The following GLIS3 variants were observed in gnomAD, a reference collection of about 807,000 sequenced individuals.
The protein encoded by GLIS3 is GLIS family zinc finger 3.
In GLIS3, 53 loss-of-function variants were observed where a neutral mutation model predicts 78.6. The ratio of observed to expected loss-of-function variants is 0.67; its 90% CI spans 0.54 to 0.85. The LOEUF is 0.85. GLIS3 is among the 40% of genes least tolerant of loss of function. GLIS3 has a pLI of 0.00. For missense variants in GLIS3, 1,703 were observed against 1,231.1 expected (o/e 1.38, Z -5.74); for synonymous variants, 684 against 509.9 (o/e 1.34, Z -4.60).
intron 2 of GLIS3, among the ~76,000 whole-genome samples, chr9:4,160,877 T>G (rs1378054840): frequency 6.6e-6 from 1 of 152,178 alleles, no homozygotes; most frequent in East Asian, 1.9e-4. Flanking sequence ...TCATTGTGTG[T>G]GCAACACCTC....
rs533298933 is a variant in GLIS3, at chr9:4,107,716, T to A, written c.1710+10052A>T. 2.6e-5 allele frequency among the ~76,000 whole-genome samples: 4 copies of A among 151,226 alleles called. No individual in the cohort carries two copies. In the East Asian group the frequency reaches 7.7e-4, roughly 29 times the overall value. On this transcript the variant is annotated intron_variant, in intron 4 of 10. Transcript: ENST00000381971. The stretch of plus-strand genomic sequence containing the variant: ...GAGACAATCCAGAGCAATGGAAAAA[T>A]TAATTTGTTTTCAGATCAGAAGAAC...
At chr9:3,937,473 T>C (rs1269133491) in intron 4 of GLIS3, among the ~76,000 whole-genome samples, 2 of 152,230 alleles carry the variant, frequency 1.3e-5, no homozygotes, top group Admixed American at 6.5e-5. Context: ...CATCTGGCTC[T>C]GTTAATAAAA....
intron 4 of GLIS3, among the ~76,000 whole-genome samples, chr9:4,104,397 C>A (rs1444374736): frequency 6.6e-6 from 1 of 152,102 alleles, no homozygotes; most frequent in East Asian, 1.9e-4. Context: ...AGAATCCAAC[C>A]AGCTATCCCA....
At chr9:3,927,275 T>C (rs1039328932) in intron 6 of GLIS3, among the ~76,000 whole-genome samples, 2 of 152,192 alleles carry the variant, frequency 1.3e-5, no homozygotes, top group Non-Finnish European at 2.9e-5. Flanking sequence ...GCAAACAATG[T>C]AGTAGAAGAG....
At chr9:4,410,255 G>A in the GLIS3 span, among the ~76,000 whole-genome samples, 1 of 151,910 alleles carries the variant, frequency 6.6e-6, no homozygotes, top group Non-Finnish European at 1.5e-5. Flanking sequence ...GGGATTACAG[G>A]CATGAGCCAC....
intron 7 of GLIS3, among the ~76,000 whole-genome samples, chr9:3,891,588 G>A (rs889721511): frequency 1.3e-5 from 2 of 152,082 alleles, no homozygotes; most frequent in African/African-American, 4.8e-5. Context: ...TGAAGTCTCA[G>A]CTACTCAGAA....
At chr9:4,411,655 G>C in the GLIS3 span, among the ~76,000 whole-genome samples, 2 of 152,104 alleles carry the variant, frequency 1.3e-5, no homozygotes, top group Admixed American at 6.6e-5. Flanking sequence ...TTATGGTGCT[G>C]TATGCTGTAT....
At chr9:4,350,366 A>C (rs904695667), upstream of GLIS3, among the ~76,000 whole-genome samples, 24 of 152,336 alleles carry the variant, frequency 1.6e-4, no homozygotes, top group African/African-American at 4.3e-4. Flanking sequence ...GGCCACATTT[A>C]CTGGATTTGA....
At chr9:4,232,261 G>T (rs1270890152) in intron 2 of GLIS3, among the ~76,000 whole-genome samples, 1 of 151,460 alleles carries the variant, frequency 6.6e-6, no homozygotes, top group Non-Finnish European at 1.5e-5. Flanking sequence ...CACCTCTGTA[G>T]TACCAGCTAT....
At chr9:4,140,743 CCTT>C (rs1192264343) in intron 2 of GLIS3, among the ~76,000 whole-genome samples, 9 of 151,792 alleles carry the variant, frequency 5.9e-5, no homozygotes, top group African/African-American at 2.2e-4. Context: ...ATTTTGTGCT[CCTT>C]CGTCTCAAGA....
intron 2 of GLIS3, among the ~76,000 whole-genome samples, chr9:4,342,287 C>G (rs75063538): frequency 0.025 from 3,777 of 152,254 alleles, 163 homozygotes; most frequent in African/African-American, 0.083. Flanking sequence ...AGGAAGGGAT[C>G]CAGGTTCAAT....
At chr9:3,843,905 G>C (rs1235779212) in intron 9 of GLIS3, among the ~76,000 whole-genome samples, 1 of 152,148 alleles carries the variant, frequency 6.6e-6, no homozygotes, top group Non-Finnish European at 1.5e-5. Flanking sequence ...AAGTGAACTA[G>C]AAAAAATACC....
intron 4 of GLIS3, among the ~76,000 whole-genome samples, chr9:4,059,864 G>GAGAGAGAA (rs1826496939): frequency 6.7e-6 from 1 of 150,014 alleles, no homozygotes; most frequent in Non-Finnish European, 1.5e-5. Flanking sequence ...GAGAGAGAGA[G>GAGAGAGAA]AGAAAGAGAG....
chr9:4,392,599 T>C, the GLIS3 span, among the ~76,000 whole-genome samples: 2 of 152,178 alleles, frequency 1.3e-5, no homozygotes, highest in African/African-American at 4.8e-5. Context: ...CTTTTTCTTT[T>C]GTATCTGGTC....
chr9:4,356,047 C>T, the GLIS3 span, among the ~76,000 whole-genome samples: 1 of 152,104 alleles, frequency 6.6e-6, no homozygotes, highest in Non-Finnish European at 1.5e-5. Context: ...ATATATTTTC[C>T]AGCCCCAGCT....
chr9:4,228,849 C>G (rs528022118), intron 2 of GLIS3, among the ~76,000 whole-genome samples: 26 of 152,334 alleles, frequency 1.7e-4, no homozygotes, highest in Non-Finnish European at 1.8e-4. Flanking sequence ...GCTCTGTTAT[C>G]TCTCTGAGTA....
the GLIS3 span, among the ~76,000 whole-genome samples, chr9:4,368,590 A>T: frequency 1.3e-5 from 2 of 152,136 alleles, no homozygotes; most frequent in Admixed American, 6.5e-5. Flanking sequence ...TGACCTCGTG[A>T]TCCACCCGCC....
At chr9:4,166,191 T>G (rs1835878312) in intron 2 of GLIS3, among the ~76,000 whole-genome samples, 1 of 152,206 alleles carries the variant, frequency 6.6e-6, no homozygotes, top group South Asian at 2.1e-4. Flanking sequence ...GGGCTCATAT[T>G]AAGCATCCAA....
intron 2 of GLIS3, among the ~76,000 whole-genome samples, chr9:4,335,062 C>G (rs1418084800): frequency 6.6e-6 from 1 of 152,054 alleles, no homozygotes; most frequent in Non-Finnish European, 1.5e-5. Flanking sequence ...GCGCCCGCCA[C>G]TATACCTGGC....
Sources: allele counts gnomAD v4.1 joint callset (sites outside exome capture counted in the v4.1 genomes callset), GRCh38; gene constraint gnomAD v4.1.1; transcripts MANE v1.5; gene names NCBI Gene and HGNC (gene_info 2026-07-23, HGNC 2026-07-21).